Variants in STX2 observed in about 807,000 individuals in gnomAD.
STX2 encodes syntaxin-2.
A neutral mutation model predicts 40.6 loss-of-function variants in STX2; 27 were observed. The observed-to-expected ratio is 0.66, with a 90% CI of 0.49 to 0.92. STX2 has a LOEUF of 0.92. Ranked by LOEUF, STX2 falls within the 40% of genes least tolerant of loss-of-function variation. STX2 has a pLI of 0.00. For missense variants in STX2, 328 were observed against 366.1 expected, an observed-to-expected ratio of 0.90 and a Z score of 0.85; for synonymous variants, 123 against 119.1, an observed-to-expected ratio of 1.03 and a Z score of -0.22.
chr12:130,824,298 T>G (rs957445590), intron 2 of STX2, among the ~76,000 whole-genome samples: 2 of 151,872 alleles, frequency 1.3e-5, no homozygotes, highest in African/African-American at 4.8e-5. Context: ...GACAAGAGAA[T>G]TGCTTGAACC....
intron 10 of STX2, among the ~76,000 whole-genome samples, chr12:130,792,804 G>A (rs10161080): frequency 0.012 from 1,842 of 152,272 alleles, 28 homozygotes; most frequent in African/African-American, 0.042. Context: ...AAATGTGTAA[G>A]AAATCAACAA....
At chr12:130,829,406 G>T (rs775043296) in intron 1 of STX2, among the ~76,000 whole-genome samples, 1 of 152,188 alleles carries the variant, frequency 6.6e-6, no homozygotes, top group Non-Finnish European at 1.5e-5. Flanking sequence ...TCGCAGGGAC[G>T]GCAGAGCAGA....
chr12:130,829,615 G>A (rs1005956776), intron 1 of STX2, among the ~76,000 whole-genome samples: 10 of 152,298 alleles, frequency 6.6e-5, no homozygotes, highest in South Asian at 2.1e-4. Flanking sequence ...TGCCAGCCCC[G>A]CCTCTCGGGC....
At chr12:130,823,713 G>T (rs927494951) in intron 2 of STX2, among the ~76,000 whole-genome samples, 1 of 152,230 alleles carries the variant, frequency 6.6e-6, no homozygotes, top group African/African-American at 2.4e-5. Context: ...GGTGATAAAC[G>T]TGTTGTTGAA....
chr12:130,819,175 G>A (rs1952016335), intron 3 of STX2, among the ~76,000 whole-genome samples: 1 of 152,202 alleles, frequency 6.6e-6, no homozygotes, highest in Non-Finnish European at 1.5e-5. Context: ...GCCCAGCCCT[G>A]CCCCGGGTCC....
intron 2 of STX2, among the ~76,000 whole-genome samples, chr12:130,825,041 C>CT (rs1277477285): frequency 0.059 from 7,862 of 132,376 alleles, 743 homozygotes; most frequent in African/African-American, 0.19. Flanking sequence ...CTTTTCTGTT[C>CT]TTTTTTTTTT....
At chr12:130,819,716 G>A (rs549747154) in intron 3 of STX2, among the ~76,000 whole-genome samples, 5 of 152,296 alleles carry the variant, frequency 3.3e-5, no homozygotes, top group East Asian at 1.9e-4. Context: ...AAGGTCCTAC[G>A]GGCAAATAAA....
intron 1 of STX2, among the ~76,000 whole-genome samples, chr12:130,833,855 T>G (rs768130253): frequency 7.9e-5 from 12 of 152,202 alleles, no homozygotes; most frequent in Admixed American, 5.2e-4. Flanking sequence ...ACAGACTGAT[T>G]CAATAAATAC....
rs1950858584 is a variant in STX2, at chr12:130,790,840, G to C, written c.*1183C>G. 1 of 152,658 alleles carries C rather than the reference G, an allele frequency of 6.6e-6. No homozygotes were observed. The highest frequency in any genetic ancestry group is 2.4e-5 in the African/African-American group (1 of 41,446). 9.5% of individuals were successfully genotyped at this position (152,658 alleles called of 1,614,324 possible). On this transcript the variant is annotated 3_prime_UTR_variant, in exon 11 of 11. Transcript: ENST00000392373. ...AGTAACCATTCATTATCCTGGGGGA[G>C]GGAACAGGCGGAAACGGAGCTGAGG...
intron 3 of STX2, among the ~76,000 whole-genome samples, chr12:130,817,327 T>C (rs1951897056): frequency 6.6e-6 from 1 of 152,088 alleles, no homozygotes; most frequent in Non-Finnish European, 1.5e-5. Context: ...ATTCCATAGA[T>C]GAAGAAAGAT....
In STX2 at chr12:130,798,540, CTGATATT is replaced by C; in HGVS notation, c.764_770del (p.Lys255ArgfsTer10). 1 of 1,601,574 alleles carries C rather than the reference CTGATATT, an allele frequency of 6.2e-7. No individual in the cohort carries two copies. The highest frequency in any genetic ancestry group is 1.3e-5 in the African/African-American group (1 of 74,086). ...CCAAACTCACCCTTCTTGCCTTGCT[CTGATATT>C]TGATAGCTTTTTTTGTTTCTTCTTT... On this transcript the variant is annotated frameshift_variant, in exon 9 of 11. Coordinates refer to ENST00000392373, the MANE Select transcript of STX2 (RefSeq NM_194356.4). LOFTEE classifies it high-confidence loss of function.
At chr12:130,828,391 C>CTTTTTTTTTTT (rs35993256) in intron 1 of STX2, among the ~76,000 whole-genome samples, 55 of 106,526 alleles carry the variant, frequency 5.2e-4, no homozygotes, top group African/African-American at 1.9e-3. Flanking sequence ...CCACACCCGG[C>CTTTTTTTTTTT]TTTTTTTTTT....
intron 1 of STX2, among the ~76,000 whole-genome samples, chr12:130,836,951 G>A (rs888889100): frequency 1.9e-4 from 29 of 152,264 alleles, no homozygotes; most frequent in African/African-American, 6.3e-4. Context: ...GTTTCAGGAA[G>A]GGTTTGGATA....
chr12:130,822,782 ATG>A (rs1169166209), intron 2 of STX2, among the ~76,000 whole-genome samples: 2 of 152,124 alleles, frequency 1.3e-5, no homozygotes, highest in African/African-American at 2.4e-5. Flanking sequence ...AGAGGCTGCA[ATG>A]TGTGTGTGTG....
intron 8 of STX2, 68 bp from the exon 9 acceptor site, chr12:130,798,703 C>A: frequency 1.6e-6 from 2 of 1,240,642 alleles, no homozygotes; most frequent in Non-Finnish European, 2.2e-6. Flanking sequence ...TTTAAGACAA[C>A]CATAGAACAA....
At chr12:130,804,501 C>T (rs1951352167) in intron 6 of STX2, among the ~76,000 whole-genome samples, 1 of 152,128 alleles carries the variant, frequency 6.6e-6, no homozygotes, top group Non-Finnish European at 1.5e-5. Context: ...TCAAGCAAGT[C>T]AGAAGACAGG....
At chr12:130,813,423 G>A (rs1049386135) in intron 3 of STX2, among the ~76,000 whole-genome samples, 5 of 152,216 alleles carry the variant, frequency 3.3e-5, no homozygotes, top group South Asian at 2.1e-4. Flanking sequence ...AAACGGAGAC[G>A]TAACGATGAT....
chr12:130,818,476 G>A (rs534345108), intron 3 of STX2, among the ~76,000 whole-genome samples: 114 of 152,126 alleles, frequency 7.5e-4, no homozygotes, highest in African/African-American at 2.7e-3. Flanking sequence ...TGCCCCGGGA[G>A]AGGTTAAGTG....
At chr12:130,833,568 C>T (rs962058910) in intron 1 of STX2, among the ~76,000 whole-genome samples, 1 of 151,970 alleles carries the variant, frequency 6.6e-6, no homozygotes, top group African/African-American at 2.4e-5. Flanking sequence ...CTACCACCAC[C>T]CCCAATTAAT....
Sources: gnomAD v4.1 joint callset for allele counts (sites outside exome capture counted in the v4.1 genomes callset) on GRCh38, gnomAD v4.1.1 for gene constraint, MANE v1.5 for transcripts, NCBI Gene and HGNC (gene_info 2026-07-23, HGNC 2026-07-21) for gene names.